NBAS: variants seen among roughly 807,000 people sequenced by gnomAD.
NBAS encodes NAG/BC035112 fusion.
Under a neutral mutation model 302.5 loss-of-function variants are expected in NBAS, and 219 were observed. The observed-to-expected ratio is 0.72, with a 90% CI of 0.65 to 0.81. The LOEUF is 0.81. Ranked by LOEUF, NBAS falls within the 30% of genes least tolerant of loss-of-function variation. The pLI is 0.00. For missense variants in NBAS, 2,932 were observed against 2,841.6 expected, an observed-to-expected ratio of 1.03 and a Z score of -0.72; for synonymous variants, 1,118 against 1,021.6, an observed-to-expected ratio of 1.09 and a Z score of -1.80.
intron 35 of NBAS, among the ~76,000 whole-genome samples, chr2:15,334,587 A>G (rs75185327): frequency 0.016 from 2,460 of 152,320 alleles, 74 homozygotes; most frequent in African/African-American, 0.056. Flanking sequence ...TATTTATTTA[A>G]GCTCATTTAT....
intron 21 of NBAS, among the ~76,000 whole-genome samples, chr2:15,430,753 C>G (rs1677722330): frequency 6.6e-6 from 1 of 152,098 alleles, no homozygotes; most frequent in Admixed American, 6.6e-5. Flanking sequence ...CCACCATTCC[C>G]CCTCCATGCA....
the NBAS span, among the ~76,000 whole-genome samples, chr2:15,013,827 C>T: frequency 2.8e-4 from 42 of 152,056 alleles, no homozygotes; most frequent in Admixed American, 6.5e-4. Context: ...AAGATATAGA[C>T]AGCTGCATGA....
At chr2:15,083,237 T>G in the NBAS span, among the ~76,000 whole-genome samples, 3 of 152,160 alleles carry the variant, frequency 2.0e-5, no homozygotes, top group Admixed American at 1.3e-4. Flanking sequence ...CTGAGCTGAG[T>G]GGGTTTCCAC....
the NBAS span, among the ~76,000 whole-genome samples, chr2:14,831,261 TTATACAACATTTGAAAGC>T: frequency 1.4e-4 from 22 of 152,270 alleles, no homozygotes; most frequent in South Asian, 4.6e-3. Flanking sequence ...TTATTTGAAA[TTATACAACATTTGAAAGC>T]TAATAATGGA....
rs953688647 is a variant in NBAS, at chr2:15,394,454, T to C, written c.3135-105A>G. The C allele has an allele frequency of 4.1e-6, 5 of 1,217,124 alleles. No individual in the cohort carries two copies. The African/African-American group carries it at 7.6e-5, about 18-fold the overall frequency. 75.4% of individuals were successfully genotyped at this position (1,217,124 alleles called of 1,614,324 possible). ...TTCAGTGTTTAGTATTAAAAAAAAA[T>C]TATCCCATAGTGTAATCCAATTTTA... On this transcript the variant is annotated intron_variant, in intron 27 of 51. Coordinates refer to ENST00000281513, the MANE Select transcript of NBAS (RefSeq NM_015909.4).
the NBAS span, among the ~76,000 whole-genome samples, chr2:14,810,501 G>C: frequency 1.3e-5 from 2 of 152,136 alleles, no homozygotes; most frequent in Admixed American, 1.3e-4. Context: ...ATGATTGTGA[G>C]GCTTCCCCAG....
chr2:15,366,135 A>G (rs1445185375), intron 32 of NBAS, among the ~76,000 whole-genome samples: 3 of 152,238 alleles, frequency 2.0e-5, no homozygotes, highest in Non-Finnish European at 4.4e-5. Flanking sequence ...GTTTTCTAAC[A>G]AATTGTTCAG....
At chr2:14,931,153 C>T in the NBAS span, among the ~76,000 whole-genome samples, 4 of 152,088 alleles carry the variant, frequency 2.6e-5, no homozygotes, top group East Asian at 7.7e-4. Context: ...ATTGATAAAC[C>T]CCAGGAAACA....
chr2:15,273,286 T>C (rs752696319), intron 44 of NBAS, among the ~76,000 whole-genome samples: 12 of 152,216 alleles, frequency 7.9e-5, no homozygotes, highest in Non-Finnish European at 1.3e-4. Context: ...GATCAGTTCC[T>C]TCCCATATAC....
At chr2:14,803,054 TA>T in the NBAS span, among the ~76,000 whole-genome samples, 2 of 152,040 alleles carry the variant, frequency 1.3e-5, no homozygotes, top group Admixed American at 1.3e-4. Context: ...AAAATAAAAA[TA>T]AAAAAATAAA....
the NBAS span, among the ~76,000 whole-genome samples, chr2:15,122,077 G>A: frequency 6.6e-6 from 1 of 151,692 alleles, no homozygotes; most frequent in South Asian, 2.1e-4. Flanking sequence ...GAAAGAAAAG[G>A]AAGAAAGAGG....
chr2:14,970,544 C>T, the NBAS span, among the ~76,000 whole-genome samples: 2 of 152,156 alleles, frequency 1.3e-5, no homozygotes, highest in Non-Finnish European at 2.9e-5. Context: ...GAAACAGGTC[C>T]TCTAATAGAA....
chr2:15,472,585 C>G (rs573307559), intron 16 of NBAS, among the ~76,000 whole-genome samples: 12 of 152,272 alleles, frequency 7.9e-5, no homozygotes, highest in South Asian at 2.1e-4. Flanking sequence ...ACTGGCCCCC[C>G]CCAGAAGCAG....
the NBAS span, among the ~76,000 whole-genome samples, chr2:14,819,722 G>A: frequency 2.0e-5 from 3 of 152,144 alleles, no homozygotes; most frequent in Admixed American, 1.3e-4. Context: ...AAAGTGGAGA[G>A]GCAACCCACA....
chr2:15,313,215 A>C (rs1166450892), intron 38 of NBAS, among the ~76,000 whole-genome samples: 1 of 152,242 alleles, frequency 6.6e-6, no homozygotes, highest in African/African-American at 2.4e-5. Context: ...TCTGCTATCC[A>C]AACTCTCTGC....
At chr2:15,097,656 G>A in the NBAS span, among the ~76,000 whole-genome samples, 15 of 151,432 alleles carry the variant, frequency 9.9e-5, no homozygotes, top group Middle Eastern at 6.8e-3. Context: ...CGAGCTTTCT[G>A]GGGCCCCTTT....
chr2:15,501,205 A>G (rs146053685), intron 11 of NBAS, among the ~76,000 whole-genome samples: 2,922 of 151,576 alleles, frequency 0.019, 69 homozygotes, highest in East Asian at 0.057. Context: ...GGAGGCTGAG[A>G]CAGGAGAATG....
chr2:15,494,317 G>A (rs2148620716), intron 11 of NBAS, among the ~76,000 whole-genome samples: 1 of 152,294 alleles, frequency 6.6e-6, no homozygotes, highest in South Asian at 2.1e-4. Context: ...AGTAACAGAG[G>A]CTTTCTCTCT....
At chr2:14,945,478 T>A in the NBAS span, among the ~76,000 whole-genome samples, 1 of 152,206 alleles carries the variant, frequency 6.6e-6, no homozygotes, top group African/African-American at 2.4e-5. Context: ...TGGCAATATA[T>A]GAGCTCTCTG....
Sources: gnomAD v4.1 joint callset for allele counts (sites outside exome capture counted in the v4.1 genomes callset) on GRCh38, gnomAD v4.1.1 for gene constraint, MANE v1.5 for transcripts, NCBI Gene and HGNC (gene_info 2026-07-23, HGNC 2026-07-21) for gene names.